Variants in PCDHA7 observed in about 807,000 individuals in gnomAD.
PCDHA7 encodes the protein protocadherin alpha-7.
Under a neutral mutation model 57.2 loss-of-function variants are expected in PCDHA7, and 37 were observed. The ratio of observed to expected loss-of-function variants is 0.65; its 90% CI spans 0.50 to 0.85. The LOEUF (loss-of-function observed/expected upper bound fraction) is 0.85. Among genes scored for constraint, PCDHA7 ranks in the 40% least tolerant of loss-of-function variants. The probability of loss-of-function intolerance (pLI) is 0.00; values close to 1 mark genes in which losing one functional copy is unlikely to be tolerated. For missense variants in PCDHA7, 1,188 were observed against 1,241.8 expected, an observed-to-expected ratio of 0.96 and a Z score of 0.65; for synonymous variants, 553 against 558.8, an observed-to-expected ratio of 0.99 and a Z score of 0.15.
intron 1 of PCDHA7, among the ~76,000 whole-genome samples, chr5:140,977,305 AC>A (rs1424604910): frequency 6.6e-6 from 1 of 152,258 alleles, no homozygotes; most frequent in African/African-American, 2.4e-5. Flanking sequence ...TGACAAGCTA[AC>A]GATAGTGCTC....
intron 1 of PCDHA7, among the ~76,000 whole-genome samples, chr5:140,972,262 C>G (rs116021362): frequency 0.021 from 3,220 of 151,618 alleles, 50 homozygotes; most frequent in Non-Finnish European, 0.033. Context: ...ACATCAGCCT[C>G]CTGAGTAGCT....
intron 1 of PCDHA7, chr5:140,871,695 T>A: frequency 1.0e-6 from 1 of 974,906 alleles, no homozygotes; most frequent in Non-Finnish European, 1.5e-6. Context: ...CTGGCTTCTT[T>A]AACCAATAAA....
chr5:140,906,999 G>T lies in PCDHA7; in HGVS notation c.2355+70261G>T, dbSNP rs187849442. Among the ~76,000 whole-genome samples the T allele has an allele frequency of 8.0e-3, 1,219 of 152,202 alleles. 6 individuals are homozygous for T. The highest frequency in any genetic ancestry group is 0.019 in the African/African-American group (787 of 41,528). On this transcript the variant is annotated intron_variant, in intron 1 of 3. Coordinates refer to ENST00000525929, the MANE Select transcript of PCDHA7 (RefSeq NM_018910.3). Reference sequence around the variant, plus strand: ...TTCTGGTGGCAGCATTCCTCCCTCTGGAACTAAGACCTCTAGGCCAGCAGA... The same window carrying T: ...TTCTGGTGGCAGCATTCCTCCCTCTTGAACTAAGACCTCTAGGCCAGCAGA...
intron 1 of PCDHA7, chr5:140,884,340 C>G (rs1480799859): frequency 1.2e-6 from 2 of 1,613,772 alleles, no homozygotes; most frequent in South Asian, 1.1e-5. Flanking sequence ...GGTCCAGAAG[C>G]GGCGCTGGTG....
chr5:141,008,607 C>T (rs782227320), intron 3 of PCDHA7, among the ~76,000 whole-genome samples: 33 of 152,196 alleles, frequency 2.2e-4, no homozygotes, highest in Non-Finnish European at 3.8e-4. Flanking sequence ...CCTCTGGAAC[C>T]CCATTAACTT....
chr5:140,949,528 A>G (rs2094388709), intron 1 of PCDHA7, among the ~76,000 whole-genome samples: 1 of 151,854 alleles, frequency 6.6e-6, no homozygotes, highest in Non-Finnish European at 1.5e-5. Context: ...TTTTATCTTC[A>G]TAAAATATCG....
chr5:140,876,269 C>T, intron 1 of PCDHA7: 2 of 1,614,036 alleles, frequency 1.2e-6, no homozygotes, highest in Non-Finnish European at 1.7e-6. Flanking sequence ...CAACTAAATG[C>T]TTCCGATCCA....
In PCDHA7 at chr5:140,850,593, C is replaced by G. The variant is rs2150490576; in HGVS notation, c.2355+13855C>G. The stretch of plus-strand genomic sequence containing the variant: ...GACGCTGGTGGATGTCAACGTGTAC[C>G]TGATCATCGCCATCTGCGCGGTGTC... On this transcript the variant is annotated intron_variant, in intron 1 of 3. Coordinates refer to ENST00000525929, the MANE Select transcript of PCDHA7 (RefSeq NM_018910.3). 25 of 1,598,524 alleles carry G rather than the reference C, an allele frequency of 1.6e-5. 1 individual carries two copies. The highest frequency in any genetic ancestry group is 5.5e-5 in the South Asian group (5 of 90,556).
intron 1 of PCDHA7, among the ~76,000 whole-genome samples, chr5:140,917,584 A>T (rs2153544569): frequency 6.6e-6 from 1 of 152,336 alleles, no homozygotes; most frequent in South Asian, 2.1e-4. Context: ...ATTTTTGTTC[A>T]TGCTGAAAGG....
intron 1 of PCDHA7, chr5:140,853,549 T>C: frequency 1.0e-6 from 1 of 979,350 alleles, no homozygotes; most frequent in South Asian, 4.8e-5. Flanking sequence ...TTGTAATTAC[T>C]ATATAGGAAA....
intron 1 of PCDHA7, among the ~76,000 whole-genome samples, chr5:140,909,950 C>T (rs940175754): frequency 1.3e-5 from 2 of 152,168 alleles, no homozygotes; most frequent in African/African-American, 4.8e-5. Flanking sequence ...GGTAAAAAGC[C>T]GTAGGTCTCC....
intron 3 of PCDHA7, among the ~76,000 whole-genome samples, chr5:140,995,639 A>G (rs1410943855): frequency 6.6e-6 from 1 of 152,190 alleles, no homozygotes; most frequent in Non-Finnish European, 1.5e-5. Context: ...TGGAGTGTTT[A>G]GAAAAGGAGA....
chr5:140,870,305 A>G lies in PCDHA7; in HGVS notation c.2355+33567A>G, dbSNP rs201733980. 1.4e-4 allele frequency: 226 copies of G among 1,614,156 alleles called. No homozygotes were observed. In the African/African-American group the frequency reaches 2.3e-3, roughly 17 times the overall value. On this transcript the variant is annotated intron_variant, in intron 1 of 3. Transcript: ENST00000525929. ...CCCTTCAAGCTGGTGTCCACCTTCA[A>G]GAATTACTACTCGTTGGTGCTGGAC...
intron 1 of PCDHA7, chr5:140,841,829 T>G: frequency 6.2e-7 from 1 of 1,613,898 alleles, no homozygotes; most frequent in Non-Finnish European, 8.5e-7. Context: ...CGTGTTAACC[T>G]ACAGGCTTAG....
chr5:140,938,113 C>CT (rs1337308557), intron 1 of PCDHA7, among the ~76,000 whole-genome samples: 1 of 152,056 alleles, frequency 6.6e-6, no homozygotes, highest in Non-Finnish European at 1.5e-5. Context: ...TACTTTCTCT[C>CT]TTTTTTTAAA....
intron 1 of PCDHA7, among the ~76,000 whole-genome samples, chr5:140,957,264 A>G (rs1554222901): frequency 1.3e-5 from 2 of 152,198 alleles, no homozygotes; most frequent in African/African-American, 2.4e-5. Flanking sequence ...ATATGTAAGC[A>G]CTAGTCCCCC....
At chr5:140,965,196 AG>A (rs2095879471) in intron 1 of PCDHA7, among the ~76,000 whole-genome samples, 3 of 152,254 alleles carry the variant, frequency 2.0e-5, no homozygotes, top group Non-Finnish European at 4.4e-5. Flanking sequence ...ATGAGGCAAT[AG>A]ATTTCAAATT....
At chr5:140,882,868 G>T in intron 1 of PCDHA7, 1 of 1,614,184 alleles carries the variant, frequency 6.2e-7, no homozygotes, top group Non-Finnish European at 8.5e-7. Context: ...GGAAAACACT[G>T]GACAGAGAGG....
At chr5:140,966,972 T>G (rs1554229007) in intron 1 of PCDHA7, 1 of 1,602,828 alleles carries the variant, frequency 6.2e-7, no homozygotes, top group African/African-American at 1.3e-5. Flanking sequence ...GGGCTTGAGC[T>G]GCGGCGCTTG....
Sources: allele counts gnomAD v4.1 joint callset (sites outside exome capture counted in the v4.1 genomes callset), GRCh38; gene constraint gnomAD v4.1.1; transcripts MANE v1.5; gene names NCBI Gene and HGNC (gene_info 2026-07-23, HGNC 2026-07-21).